The following NVL variants were observed in gnomAD, a reference collection of about 807,000 sequenced individuals.
NVL encodes nuclear valosin-containing protein-like.
In NVL, 84 loss-of-function variants were observed where a neutral mutation model predicts 110.2. That is an observed-to-expected ratio of 0.76 (90% CI 0.64 to 0.91). NVL has a LOEUF of 0.91. Ranked by LOEUF, NVL falls within the 40% of genes least tolerant of loss-of-function variation. NVL has a pLI of 0.00. For synonymous variants in NVL, 354 were observed against 361.1 expected (o/e 0.98, Z 0.22); for missense variants, 882 against 1,035.9 (o/e 0.85, Z 2.04).
chr1:224,305,180 A>T lies in NVL; in HGVS notation c.616-14T>A. 2 of 1,593,022 alleles carry T rather than the reference A, an allele frequency of 1.3e-6. No homozygotes were observed. The highest frequency in any genetic ancestry group is 1.7e-6 in the Non-Finnish European group (2 of 1,174,800). ...ATCTTTTGAATCCTGGAAAGAAAATAAATTTAAATATGCCATGCTTAAAAT... is the reference window on the plus strand; with the variant it reads ...ATCTTTTGAATCCTGGAAAGAAAATTAATTTAAATATGCCATGCTTAAAAT... On this transcript the variant is annotated splice_polypyrimidine_tract_variant and intron_variant, in intron 6 of 22. Coordinates refer to ENST00000281701, the MANE Select transcript of NVL (RefSeq NM_002533.4).
At chr1:224,247,625 C>A (rs1417091995) in intron 19 of NVL, among the ~76,000 whole-genome samples, 1 of 151,706 alleles carries the variant, frequency 6.6e-6, no homozygotes, top group African/African-American at 2.4e-5. Flanking sequence ...ACCGAGGTGG[C>A]ACCACTGCAC....
At chr1:224,327,073 A>G (rs1572087596) in intron 1 of NVL, among the ~76,000 whole-genome samples, 1 of 152,144 alleles carries the variant, frequency 6.6e-6, no homozygotes, top group African/African-American at 2.4e-5. Flanking sequence ...GCCCAGACTT[A>G]GAGGTTGCAG....
chr1:224,316,408 G>A (rs1670063058), intron 4 of NVL, among the ~76,000 whole-genome samples: 1 of 152,044 alleles, frequency 6.6e-6, no homozygotes, highest in African/African-American at 2.4e-5. Context: ...GCCTAAAGCT[G>A]GGTGCTGTGG....
chr1:224,284,746 G>A (rs1424462789), intron 15 of NVL, among the ~76,000 whole-genome samples: 1 of 152,100 alleles, frequency 6.6e-6, no homozygotes, highest in African/African-American at 2.4e-5. Flanking sequence ...CTATTAAATT[G>A]TCCACTATTA....
intron 17 of NVL, among the ~76,000 whole-genome samples, chr1:224,272,748 C>A (rs565676088): frequency 1.1e-4 from 16 of 150,512 alleles, no homozygotes; most frequent in African/African-American, 3.7e-4. Context: ...AAACAAAACA[C>A]AACAGGCCGT....
At chr1:224,269,743 CT>C (rs900280735) in intron 17 of NVL, 3 of 150,096 alleles carry the variant, frequency 2.0e-5, no homozygotes, top group African/African-American at 7.3e-5. Flanking sequence ...TCATTTCTTT[CT>C]TTCTTTTTTC....
In NVL at chr1:224,286,073, C is replaced by T. The variant is rs749142618; in HGVS notation, c.1852G>A (p.Val618Ile). 45 of 1,614,076 alleles carry T rather than the reference C, an allele frequency of 2.8e-5. No individual in the cohort carries two copies. The highest frequency in any genetic ancestry group is 3.7e-5 in the Non-Finnish European group (44 of 1,179,968). ...CAGCCAGGAGGACCAGCAAGGAGGACCCCAGCTGGAGTCACCAATCCAAGA... is the reference window on the plus strand; with the variant it reads ...CAGCCAGGAGGACCAGCAAGGAGGATCCCAGCTGGAGTCACCAATCCAAGA... ...KALGLVTPAG[V>I]LLAGPPGCGK... Residue 618 changes from valine (V) to isoleucine (I), a missense_variant, in exon 15 of 23, where the codon GTC becomes ATC. By Grantham distance (29) the Val-to-Ile change is conservative. This residue lies in a region of NVL where 416 missense variants were observed against 499.3 expected (regional missense o/e 0.83). Transcript: ENST00000281701.
rs1307585489 is a variant in NVL at position 224,328,193 on chromosome 1, G to A, written c.58-1729C>T. Among the ~76,000 whole-genome samples the A allele has an allele frequency of 4.6e-5, 7 of 152,110 alleles. No homozygotes were observed. In the East Asian group the frequency reaches 7.7e-4, roughly 17 times the overall value. Reference sequence around the variant, plus strand: ...CCCATCAACCCGTCATCTACATTAGGTATTTTTCCTAATGCTATCCCTCCC... The same window carrying A: ...CCCATCAACCCGTCATCTACATTAGATATTTTTCCTAATGCTATCCCTCCC... On this transcript the variant is annotated intron_variant, in intron 1 of 22. Transcript: ENST00000281701.
chr1:224,327,700 A>G (rs574347144), intron 1 of NVL, among the ~76,000 whole-genome samples: 2 of 151,864 alleles, frequency 1.3e-5, no homozygotes, highest in African/African-American at 4.8e-5. Context: ...TTTATAATGA[A>G]CCAAAGTGAA....
Position 224,227,516 on chromosome 1 carries a change from G to T in NVL, c.*110C>A. The T allele has an allele frequency of 1.3e-6, 1 of 797,444 alleles. No homozygotes were observed. Among genetic ancestry groups the T allele is most frequent in the Non-Finnish European group, 1.9e-6 (1 of 531,768 alleles). The allele number at this position is 797,444 out of a possible 1,614,324, so 49.4% of individuals were successfully genotyped here. A position where few individuals can be genotyped will look rare whatever the true frequency, so the allele number is the denominator to read the frequency against. On this transcript the variant is annotated 3_prime_UTR_variant, in exon 23 of 23. Coordinates refer to ENST00000281701, the MANE Select transcript of NVL (RefSeq NM_002533.4). ...GGCCTCATTCATTTGAAAATAAAATGTTTACATGAGGCCGCGCCTGTGTCC... is the reference window on the plus strand; with the variant it reads ...GGCCTCATTCATTTGAAAATAAAATTTTTACATGAGGCCGCGCCTGTGTCC...
chr1:224,292,028 AC>A (rs1667427368), intron 12 of NVL, among the ~76,000 whole-genome samples: 2 of 152,250 alleles, frequency 1.3e-5, no homozygotes, highest in Admixed American at 1.3e-4. Context: ...ACTGTGAGAC[AC>A]AATAAAATGA....
chr1:224,312,036 T>C (rs1669577356), intron 4 of NVL, 179 bp from the exon 5 acceptor site: 1 of 535,218 alleles, frequency 1.9e-6, no homozygotes, highest in Admixed American at 3.5e-5. Flanking sequence ...TTAACCTCTC[T>C]AAGCGTCAGC....
chr1:224,282,191 G>A (rs143923046), intron 15 of NVL, among the ~76,000 whole-genome samples: 15 of 151,382 alleles, frequency 9.9e-5, no homozygotes, highest in Middle Eastern at 3.4e-3. Flanking sequence ...TCAGCCTTCC[G>A]AGGAGCTGGG....
intron 15 of NVL, among the ~76,000 whole-genome samples, chr1:224,282,500 T>C (rs2102600823): frequency 6.6e-6 from 1 of 152,356 alleles, no homozygotes; most frequent in East Asian, 1.9e-4. Context: ...TTAACATCAG[T>C]TATCAGTCTT....
At chr1:224,328,318 G>A (rs758298669) in intron 1 of NVL, among the ~76,000 whole-genome samples, 1 of 151,950 alleles carries the variant, frequency 6.6e-6, no homozygotes, top group Non-Finnish European at 1.5e-5. Flanking sequence ...TCAGGAGTTC[G>A]AGACTAGCCT....
intron 4 of NVL, 77 bp from the exon 5 acceptor site, chr1:224,311,934 A>T: frequency 9.1e-7 from 1 of 1,099,252 alleles, no homozygotes; most frequent in Non-Finnish European, 1.4e-6. Context: ...AAAACAAGTA[A>T]ATATATTCAG....
intron 13 of NVL, among the ~76,000 whole-genome samples, chr1:224,288,916 A>T (rs1243438794): frequency 6.6e-6 from 1 of 152,204 alleles, no homozygotes; most frequent in East Asian, 1.9e-4. Context: ...TATTATTCAC[A>T]TGACTGTCCT....
At chr1:224,261,413 T>C (rs972943023) in intron 18 of NVL, among the ~76,000 whole-genome samples, 3 of 152,170 alleles carry the variant, frequency 2.0e-5, no homozygotes, top group Admixed American at 2.0e-4. Flanking sequence ...AGTAATAAGA[T>C]ATTTGGGTTT....
rs539562756 is a variant in NVL at position 224,275,067 on chromosome 1, C to A, written c.2082+272G>T. Among the ~76,000 whole-genome samples, 7 of 152,262 alleles carry A rather than the reference C, an allele frequency of 4.6e-5. 1 individual carries two copies. Among genetic ancestry groups the A allele is most frequent in the African/African-American group, 1.7e-4 (7 of 41,538 alleles). On this transcript the variant is annotated intron_variant, in intron 17 of 22. Coordinates refer to ENST00000281701, the MANE Select transcript of NVL (RefSeq NM_002533.4). ...AGATTATAAGGCAAGCTATTTAAAA[C>A]AATATCATTTCCATACTTACCTACT...
Sources: allele counts gnomAD v4.1 joint callset (sites outside exome capture counted in the v4.1 genomes callset), GRCh38; gene constraint gnomAD v4.1.1; regional missense constraint gnomAD v4.1.1; transcripts MANE v1.5; gene names NCBI Gene and HGNC (gene_info 2026-07-23, HGNC 2026-07-21).